Variants in G3BP1 observed in about 807,000 individuals in gnomAD.
G3BP1 encodes the protein G3BP stress granule assembly factor 1.
A neutral mutation model predicts 58.6 loss-of-function variants in G3BP1; 35 were observed. The ratio of observed to expected loss-of-function variants is 0.60; its 90% confidence interval spans 0.46 to 0.79. G3BP1 has a LOEUF of 0.79. G3BP1 is among the 30% of genes least tolerant of loss of function. The probability of loss-of-function intolerance (pLI) is 0.00; values close to 1 mark genes in which losing one functional copy is unlikely to be tolerated. For synonymous variants in G3BP1, 191 were observed against 195.4 expected, an observed-to-expected ratio of 0.98 and a Z score of 0.19; for missense variants, 523 against 580.8, an observed-to-expected ratio of 0.90 and a Z score of 1.02.
At chr5:151,803,209 A>G (rs559000978) in intron 11 of G3BP1, among the ~76,000 whole-genome samples, 1 of 152,362 alleles carries the variant, frequency 6.6e-6, no homozygotes, top group East Asian at 1.9e-4. Context: ...TACTTTGCAT[A>G]AATATGTACA....
rs1316603880 is a variant in G3BP1, at chr5:151,804,882, CT to C, written c.*792del. On this transcript the variant is annotated 3_prime_UTR_variant, in exon 12 of 12. Transcript: ENST00000356245. Reference sequence around the variant, plus strand: ...AACCCAGATAACAACCAGAGCAAAACTGTTGTGCCTTCTATTTATCTTTGAT... The same window carrying C: ...AACCCAGATAACAACCAGAGCAAAACGTTGTGCCTTCTATTTATCTTTGAT... 6.6e-6 allele frequency: 1 copy of C among 152,280 alleles called. No homozygotes were observed. Among genetic ancestry groups the C allele is most frequent in the Non-Finnish European group, 1.5e-5 (1 of 67,962 alleles). The allele number at this position is 152,280 out of a possible 1,614,324, so 9.4% of individuals were successfully genotyped here.
intron 11 of G3BP1, among the ~76,000 whole-genome samples, chr5:151,801,367 C>T (rs904679773): frequency 6.4e-4 from 98 of 152,280 alleles, no homozygotes; most frequent in African/African-American, 1.7e-3. Context: ...TTACTCTGTA[C>T]GTTCTAATAA....
rs1378376310 is a variant in G3BP1, at chr5:151,812,346, C to CTTAAAA, written c.*8255_*8256insTTAAAA. 2 of 152,154 alleles carry CTTAAAA rather than the reference C, an allele frequency of 1.3e-5. No individual in the cohort carries two copies. The highest frequency in any genetic ancestry group is 2.9e-5 in the Non-Finnish European group (2 of 68,024). 9.4% of individuals were successfully genotyped at this position (152,154 alleles called of 1,614,324 possible). A position where few individuals can be genotyped will look rare whatever the true frequency, so the allele number is the denominator to read the frequency against. On this transcript the variant is annotated 3_prime_UTR_variant, in exon 12 of 12. Transcript: ENST00000356245. The stretch of plus-strand genomic sequence containing the variant: ...ATTGGAAGTTCGTATCTAACTTTTA[C>CTTAAAA]CCCTTGTGTGTCATGATACATTTAA...
chr5:151,774,048 TCTAA>T (rs551806940), intron 1 of G3BP1, among the ~76,000 whole-genome samples: 196 of 152,342 alleles, frequency 1.3e-3, no homozygotes, highest in Non-Finnish European at 2.5e-3. Context: ...AAACTGGTGC[TCTAA>T]CTGATTACTT....
intron 6 of G3BP1, among the ~76,000 whole-genome samples, chr5:151,796,887 G>GCCCCCCC (rs201183126): frequency 1.4e-5 from 1 of 69,580 alleles, no homozygotes; most frequent in African/African-American, 5.1e-5. Flanking sequence ...TTTCTTTCCC[G>GCCCCCCC]CCCCCCCCGC....
chr5:151,800,425 A>T, intron 10 of G3BP1, 79 bp downstream of exon 10: 1 of 989,146 alleles, frequency 1.0e-6, no homozygotes, highest in Non-Finnish European at 1.5e-6. Context: ...AATGAGCCAC[A>T]TATGTAATTA....
intron 4 of G3BP1, among the ~76,000 whole-genome samples, chr5:151,793,293 G>C (rs1223801229): frequency 6.6e-6 from 1 of 152,050 alleles, no homozygotes; most frequent in African/African-American, 2.4e-5. Context: ...ATTTTTAGTA[G>C]AGATGGGGTT....
At chr5:151,784,319 A>G (rs995053880) in intron 1 of G3BP1, among the ~76,000 whole-genome samples, 4 of 152,132 alleles carry the variant, frequency 2.6e-5, no homozygotes, top group African/African-American at 4.8e-5. Flanking sequence ...TGCCCAGACT[A>G]ATCTCAAACA....
chr5:151,794,062 T>A, intron 4 of G3BP1, 97 bp from the exon 5 acceptor site: 1 of 732,190 alleles, frequency 1.4e-6, no homozygotes, highest in South Asian at 1.6e-5. Context: ...GCCAGATGTC[T>A]CATGGAGGCA....
chr5:151,800,621 C>G, intron 10 of G3BP1, 139 bp from the exon 11 acceptor site: 1 of 643,950 alleles, frequency 1.6e-6, no homozygotes, highest in Non-Finnish European at 2.8e-6. Context: ...AGAGGCACAT[C>G]TCAATTCAGA....
intron 11 of G3BP1, among the ~76,000 whole-genome samples, chr5:151,801,804 G>A (rs1254271095): frequency 6.6e-6 from 1 of 151,546 alleles, no homozygotes; most frequent in Admixed American, 6.6e-5. Flanking sequence ...ATACTGCAAA[G>A]TTTTTTATTT....
chr5:151,802,263 AC>A, intron 11 of G3BP1, among the ~76,000 whole-genome samples: 1 of 152,362 alleles, frequency 6.6e-6, no homozygotes, highest in East Asian at 1.9e-4. Context: ...GGTTTATCTC[AC>A]CAAAGCCACT....
At chr5:151,784,206 G>T (rs1014485237) in intron 1 of G3BP1, among the ~76,000 whole-genome samples, 1 of 151,998 alleles carries the variant, frequency 6.6e-6, no homozygotes, top group Non-Finnish European at 1.5e-5. Flanking sequence ...AGCATTCCTC[G>T]TGCCCCAGCC....
Position 151,810,626 on chromosome 5 carries a change from G to A in G3BP1, c.*6535G>A. ...TTTACTAGACTGTAAGCTCCTAGAA[G>A]ATAAGGACTAGGGAGTTCATCTCTG... On this transcript the variant is annotated 3_prime_UTR_variant, in exon 12 of 12. Coordinates refer to ENST00000356245, the MANE Select transcript of G3BP1 (RefSeq NM_005754.3). 1 of 152,202 alleles carries A rather than the reference G, an allele frequency of 6.6e-6. No individual in the cohort carries two copies. Among genetic ancestry groups the A allele is most frequent in the East Asian group, 1.9e-4 (1 of 5,202 alleles). 9.4% of individuals were successfully genotyped at this position (152,202 alleles called of 1,614,324 possible).
intron 2 of G3BP1, among the ~76,000 whole-genome samples, chr5:151,788,633 TTAG>T (rs1273072961): frequency 4.7e-5 from 7 of 149,874 alleles, no homozygotes; most frequent in African/African-American, 1.7e-4. Flanking sequence ...TTATTTATTT[TTAG>T]TAGGTGGAGT....
At chr5:151,773,167 C>T (rs901251899) in intron 1 of G3BP1, among the ~76,000 whole-genome samples, 5 of 145,690 alleles carry the variant, frequency 3.4e-5, no homozygotes, top group Admixed American at 1.4e-4. Context: ...TTTTTTTTCT[C>T]TACTTTTTTT....
chr5:151,776,556 G>T (rs2113214546), intron 1 of G3BP1, among the ~76,000 whole-genome samples: 1 of 152,006 alleles, frequency 6.6e-6, no homozygotes, highest in Admixed American at 6.6e-5. Context: ...ATTACTTCGG[G>T]GTTCTAATGG....
At chr5:151,772,646 G>A (rs1762291334) in intron 1 of G3BP1, 1 of 152,404 alleles carries the variant, frequency 6.6e-6, no homozygotes, top group Admixed American at 6.5e-5. Flanking sequence ...CCTTTCATTT[G>A]ATTCTTGCAG....
At chr5:151,792,188 C>T in intron 4 of G3BP1, 1 of 451,410 alleles carries the variant, frequency 2.2e-6, no homozygotes, top group East Asian at 7.0e-5. Flanking sequence ...CCGGATTGGT[C>T]TAGACTGAAC....
Sources: gnomAD v4.1 joint callset for allele counts (sites outside exome capture counted in the v4.1 genomes callset) on GRCh38, gnomAD v4.1.1 for gene constraint, MANE v1.5 for transcripts, NCBI Gene and HGNC (gene_info 2026-07-23, HGNC 2026-07-21) for gene names.